The following SH3RF3 variants were observed in gnomAD, a reference collection of about 807,000 sequenced individuals.
The protein encoded by SH3RF3 is E3 ubiquitin-protein ligase SH3RF3.
Under a neutral mutation model 66.3 loss-of-function variants are expected in SH3RF3, and 29 were observed. The observed-to-expected ratio is 0.44, with a 90% CI of 0.33 to 0.60. The LOEUF (loss-of-function observed/expected upper bound fraction) is 0.60, where lower values mean the gene tolerates loss of function less well. SH3RF3 is among the 20% of genes least tolerant of loss of function. The pLI is 0.04. For missense variants in SH3RF3, 1,194 were observed against 1,190.9 expected (o/e 1.00, Z -0.04); for synonymous variants, 583 against 532.0 (o/e 1.10, Z -1.32).
At chr2:109,197,851 G>A (rs1678544930) in intron 1 of SH3RF3, among the ~76,000 whole-genome samples, 1 of 152,238 alleles carries the variant, frequency 6.6e-6, no homozygotes. Context: ...AAAGGAAAAA[G>A]CCTTACTTTT....
At chr2:109,249,493 C>CTTTCTTTCTTTCTT (rs1680009264) in intron 1 of SH3RF3, among the ~76,000 whole-genome samples, 1 of 24,116 alleles carries the variant, frequency 4.1e-5, no homozygotes, top group Non-Finnish European at 6.3e-5. Flanking sequence ...TTCTTTCTTT[C>CTTTCTTTCTTTCTT]TTTCTTTCTT....
chr2:109,426,757 A>G (rs977960300), intron 5 of SH3RF3, among the ~76,000 whole-genome samples: 6 of 152,210 alleles, frequency 3.9e-5, no homozygotes, highest in East Asian at 1.9e-4. Flanking sequence ...ATCAAATGCT[A>G]TAGAGAAATC....
intron 1 of SH3RF3, among the ~76,000 whole-genome samples, chr2:109,254,842 G>A (rs968695453): frequency 6.6e-6 from 1 of 152,192 alleles, no homozygotes; most frequent in Non-Finnish European, 1.5e-5. Flanking sequence ...CGCCAGGGCA[G>A]TATCTGCTCT....
intron 8 of SH3RF3, among the ~76,000 whole-genome samples, chr2:109,457,814 G>A (rs767258492): frequency 5.9e-5 from 9 of 152,094 alleles, no homozygotes; most frequent in East Asian, 3.9e-4. Context: ...AAAAACAAGC[G>A]CACACCCCAT....
chr2:109,327,929 A>G (rs1682194340), intron 1 of SH3RF3, among the ~76,000 whole-genome samples: 8 of 152,200 alleles, frequency 5.3e-5, no homozygotes, highest in Admixed American at 3.9e-4. Flanking sequence ...AACATACACA[A>G]TCATGGAGGG....
Position 109,291,549 on chromosome 2 carries a change from C to T in SH3RF3, c.574-56125C>T, listed in dbSNP as rs116513672. On this transcript the variant is annotated intron_variant, in intron 1 of 9. Coordinates refer to ENST00000309415, the MANE Select transcript of SH3RF3 (RefSeq NM_001099289.3). ...ATGCACATGCCATGTCTGCAGCCGG[C>T]GATGCCCTTGGAAGAAGCTCCTGCC... is the stretch of plus-strand genomic sequence containing the variant. Among the ~76,000 whole-genome samples the T allele has an allele frequency of 2.3e-3, 357 of 152,318 alleles. 1 individual carries two copies. Among genetic ancestry groups the T allele is most frequent in the African/African-American group, 8.2e-3 (340 of 41,580 alleles).
chr2:109,146,895 C>CT (rs1677114173), intron 1 of SH3RF3, among the ~76,000 whole-genome samples: 1 of 100,664 alleles, frequency 9.9e-6, no homozygotes, highest in East Asian at 5.6e-4. Context: ...TCCCCCCCCC[C>CT]CCCCCCGCCC....
chr2:109,420,002 C>T (rs888724453), intron 5 of SH3RF3, among the ~76,000 whole-genome samples: 1 of 152,158 alleles, frequency 6.6e-6, no homozygotes, highest in African/African-American at 2.4e-5. Context: ...CGCAGAGCAG[C>T]GGGTAGTCTA....
At chr2:109,196,398 G>T (rs115147053) in intron 1 of SH3RF3, among the ~76,000 whole-genome samples, 146 of 152,322 alleles carry the variant, frequency 9.6e-4, no homozygotes, top group African/African-American at 3.2e-3. Flanking sequence ...ATTTAATCCC[G>T]TGGCGGGCAG....
chr2:109,259,179 G>A (rs1387298505), intron 1 of SH3RF3, among the ~76,000 whole-genome samples: 2 of 152,230 alleles, frequency 1.3e-5, no homozygotes, highest in South Asian at 2.1e-4. Context: ...AAGCCGGGTT[G>A]AGGAATCCAT....
intron 1 of SH3RF3, among the ~76,000 whole-genome samples, chr2:109,306,466 G>A (rs1348732675): frequency 6.6e-6 from 1 of 152,206 alleles, no homozygotes; most frequent in African/African-American, 2.4e-5. Flanking sequence ...ACCGCAGAAG[G>A]TATGGGAGCA....
chr2:109,429,251 G>A (rs965988782), intron 5 of SH3RF3, among the ~76,000 whole-genome samples: 1 of 152,144 alleles, frequency 6.6e-6, no homozygotes, highest in African/African-American at 2.4e-5. Flanking sequence ...AACACGAGCC[G>A]CATGCCAGAA....
At chr2:109,283,816 C>G (rs909100559) in intron 1 of SH3RF3, among the ~76,000 whole-genome samples, 7 of 152,202 alleles carry the variant, frequency 4.6e-5, no homozygotes, top group Non-Finnish European at 8.8e-5. Context: ...CTCTCTGCTC[C>G]CTGGGAGGAT....
At chr2:109,181,532 G>T (rs2104985753) in intron 1 of SH3RF3, among the ~76,000 whole-genome samples, 1 of 152,240 alleles carries the variant, frequency 6.6e-6, no homozygotes, top group South Asian at 2.1e-4. Context: ...GTACCCAAAA[G>T]TTTCTTTATC....
At position 109,330,901 on chromosome 2, in the gene SH3RF3, C is replaced by A. The variant is rs144818139; in HGVS notation, c.574-16773C>A. Among the ~76,000 whole-genome samples the A allele has an allele frequency of 2.9e-3, 441 of 152,304 alleles. 1 individual carries two copies. The highest frequency in any genetic ancestry group is 0.01 in the African/African-American group (421 of 41,556). On this transcript the variant is annotated intron_variant, in intron 1 of 9. Coordinates refer to ENST00000309415, the MANE Select transcript of SH3RF3 (RefSeq NM_001099289.3). ...CTCTGGTAAGGGTCTGCAAGTCACT[C>A]ATCTGTGTCTGGCACCTTGCACAGT... is the stretch of plus-strand genomic sequence containing the variant.
intron 1 of SH3RF3, among the ~76,000 whole-genome samples, chr2:109,325,338 T>C (rs1024169287): frequency 1.3e-4 from 17 of 128,778 alleles, no homozygotes; most frequent in South Asian, 8.2e-4. Context: ...TTTCTTTTTT[T>C]TTTTTTTTTT....
chr2:109,377,479 C>CT (rs1683414657), intron 3 of SH3RF3, among the ~76,000 whole-genome samples: 1 of 152,166 alleles, frequency 6.6e-6, no homozygotes, highest in African/African-American at 2.4e-5. Flanking sequence ...GATTCAGACT[C>CT]TGTGACGCCA....
At chr2:109,170,356 TTTC>T (rs1452403398) in intron 1 of SH3RF3, among the ~76,000 whole-genome samples, 1 of 151,576 alleles carries the variant, frequency 6.6e-6, no homozygotes, top group African/African-American at 2.4e-5. Context: ...CCTTTCTTTC[TTTC>T]TTTTTTGACC....
intron 8 of SH3RF3, among the ~76,000 whole-genome samples, chr2:109,469,684 A>G (rs1387285320): frequency 6.6e-6 from 1 of 152,166 alleles, no homozygotes; most frequent in East Asian, 1.9e-4. Flanking sequence ...AGCTCCAGAA[A>G]CCCAACAAGC....
Sources: gnomAD v4.1 joint callset for allele counts (sites outside exome capture counted in the v4.1 genomes callset) on GRCh38, gnomAD v4.1.1 for gene constraint, MANE v1.5 for transcripts, NCBI Gene and HGNC (gene_info 2026-07-23, HGNC 2026-07-21) for gene names.